The following CABLES1 variants were observed in gnomAD, a reference collection of about 807,000 sequenced individuals.
CABLES1 encodes the protein Cdk5 and Abl enzyme substrate 1.
In CABLES1, 36 loss-of-function variants were observed where a neutral mutation model predicts 57.8. The ratio of observed to expected loss-of-function variants is 0.62; its 90% CI spans 0.48 to 0.82. The LOEUF (loss-of-function observed/expected upper bound fraction) is 0.82, where lower values mean the gene tolerates loss of function less well. Among genes scored for constraint, CABLES1 ranks in the 40% least tolerant of loss-of-function variants. The pLI, the probability that CABLES1 is intolerant of heterozygous loss-of-function variation, is 0.00. For synonymous variants in CABLES1, 374 were observed against 363.0 expected (o/e 1.03, Z -0.35); for missense variants, 767 against 836.6 (o/e 0.92, Z 1.03).
intron 1 of CABLES1, among the ~76,000 whole-genome samples, chr18:23,152,759 A>G (rs930031785): frequency 2.6e-5 from 4 of 151,920 alleles, no homozygotes; most frequent in Non-Finnish European, 5.9e-5. Flanking sequence ...TGCTGGGATT[A>G]TAGGCTCGAG....
intron 1 of CABLES1, among the ~76,000 whole-genome samples, chr18:23,160,855 GA>G (rs1467317814): frequency 1.3e-5 from 2 of 152,188 alleles, no homozygotes; most frequent in African/African-American, 4.8e-5. Context: ...ACGACATAGT[GA>G]AAGCCCGTCT....
chr18:23,198,618 C>T lies in CABLES1; in HGVS notation c.1010+4078C>T, dbSNP rs558582614. 9.9e-5 allele frequency among the ~76,000 whole-genome samples: 15 copies of T among 152,224 alleles called. No homozygotes were observed. In the South Asian group the frequency reaches 2.5e-3, roughly 25 times the overall value. On this transcript the variant is annotated intron_variant, in intron 3 of 9. Coordinates refer to ENST00000256925, the MANE Select transcript of CABLES1 (RefSeq NM_001100619.3). ...AGTGTAGTTACAGAGCCCTTAAAAG[C>T]GGAAGAAGGAGGCAGGATCGTCAGT...
intron 4 of CABLES1, among the ~76,000 whole-genome samples, chr18:23,224,713 T>A (rs1001548683): frequency 7.4e-5 from 11 of 149,590 alleles, no homozygotes; most frequent in African/African-American, 2.5e-4. Context: ...GGATTACAGG[T>A]GCCCGCCACT....
At position 23,135,799 on chromosome 18, in the gene CABLES1, T is replaced by C. The variant is rs1327428442; in HGVS notation, c.37T>C (p.Cys13Arg). The C allele has an allele frequency of 3.0e-5, 28 of 927,586 alleles. No individual in the cohort carries two copies. The highest frequency in any genetic ancestry group is 6.5e-5 in the Admixed American group (1 of 15,498). 57.5% of individuals were successfully genotyped at this position (927,586 alleles called of 1,614,324 possible). A position where few individuals can be genotyped will look rare whatever the true frequency, so the allele number is the denominator to read the frequency against. The stretch of plus-strand genomic sequence containing the variant: ...GGCGGCGGCCGCCACCACGGCCGCC[T>C]GCAGCAGCGGCAGCGCCGGCACCGA... ...AAAAAATTAA[C>R]SSGSAGTDAA... The change falls in exon 1 of 10, where the codon TGC becomes CGC. Residue 13 changes from cysteine (C) to arginine (R), a missense_variant. Cys to Arg is a radical substitution (Grantham distance 180). This residue lies in a region of CABLES1 where 198 missense variants were observed against 149.7 expected (regional missense o/e 1.32). Transcript: ENST00000256925.
intron 1 of CABLES1, among the ~76,000 whole-genome samples, chr18:23,181,319 C>T (rs1598815281): frequency 8.0e-6 from 1 of 125,470 alleles, no homozygotes; most frequent in African/African-American, 3.7e-5. Flanking sequence ...CATGGTGAAA[C>T]CCCATCTCTA....
At chr18:23,215,143 T>A (rs1391215879) in intron 4 of CABLES1, among the ~76,000 whole-genome samples, 1 of 152,170 alleles carries the variant, frequency 6.6e-6, no homozygotes, top group East Asian at 1.9e-4. Context: ...ATTATTTACA[T>A]CCTTACAGCC....
In CABLES1 at chr18:23,257,245, C is replaced by T; in HGVS notation, c.1780C>T (p.Arg594Trp). ...HLIDKLEEKFRLNRRELIAFE... is the reference protein window; with the variant it reads ...HLIDKLEEKFWLNRRELIAFE... ...GTTGCAGAAACTGGAAGAGAAGTTC[C>T]GGCTGAACAGGCGAGAACTGATTGC... The change falls in exon 10 of 10, where the codon CGG becomes TGG. Residue 594 changes from arginine to tryptophan, a missense_variant. Around this residue, in one of 4 missense-constraint regions of CABLES1, gnomAD observed 15 missense variants for 41.0 expected, o/e 0.37. Coordinates refer to ENST00000256925, the MANE Select transcript of CABLES1 (RefSeq NM_001100619.3). 7 of 1,605,638 alleles carry T rather than the reference C, an allele frequency of 4.4e-6. No homozygotes were observed. The highest frequency in any genetic ancestry group is 5.1e-6 in the Non-Finnish European group (6 of 1,178,144).
intron 1 of CABLES1, among the ~76,000 whole-genome samples, chr18:23,172,337 C>A (rs1371754753): frequency 6.6e-6 from 1 of 152,182 alleles, no homozygotes; most frequent in East Asian, 1.9e-4. Context: ...GGATTCTAAT[C>A]TTTTCTTGGG....
At chr18:23,234,491 A>G (rs894031047) in intron 4 of CABLES1, 117 bp from the exon 5 acceptor site, 6 of 761,296 alleles carry the variant, frequency 7.9e-6, no homozygotes, top group African/African-American at 3.5e-5. Flanking sequence ...TCCCATCACC[A>G]GGGCTCACCT....
Position 23,253,054 on chromosome 18 carries a change from G to A in CABLES1, c.1541G>A (p.Ser514Asn). 6.2e-7 allele frequency: 1 copy of A among 1,607,990 alleles called. No individual in the cohort carries two copies. The highest frequency in any genetic ancestry group is 8.5e-7 in the Non-Finnish European group (1 of 1,174,514). The stretch of plus-strand genomic sequence containing the variant: ...TTTCCTCACATTAAGCTGACACTCA[G>A]CAAAATTAGGAGGTACGGGAGGCTG... ...EKFPHIKLTL[S>N]KIRSLKREMR... is the part of the protein sequence containing the mutation. Residue 514 changes from serine to asparagine, a missense_variant, in exon 8 of 10, where the codon AGC becomes AAC. Around this residue, in one of 4 missense-constraint regions of CABLES1, gnomAD observed 529 missense variants for 622.8 expected, o/e 0.85. Coordinates refer to ENST00000256925, the MANE Select transcript of CABLES1 (RefSeq NM_001100619.3).
chr18:23,247,530 G>A (rs191376867), intron 7 of CABLES1, among the ~76,000 whole-genome samples: 5 of 152,334 alleles, frequency 3.3e-5, no homozygotes, highest in East Asian at 3.9e-4. Context: ...GCAGCTGAGC[G>A]GGAGCAGGAC....
rs1555671608 is a variant in CABLES1 at position 23,248,538 on chromosome 18, T to TTTA, written c.1447-4422_1447-4421insTTA. Among the ~76,000 whole-genome samples the TTTA allele has an allele frequency of 1.6e-4, 15 of 93,612 alleles. 1 individual carries two copies. The highest frequency in any genetic ancestry group is 4.1e-4 in the African/African-American group (12 of 28,960). The allele number at this position is 93,612 out of a possible 152,430, so 61.4% of individuals were successfully genotyped here. On this transcript the variant is annotated intron_variant, in intron 7 of 9. Transcript: ENST00000256925. ...TTTTTTTTTTTTTTTTTTTTTTTTT[T>TTTA]AAAAAAAGGCTGGACGTGGTGGCTC...
chr18:23,198,439 C>T (rs886081427), intron 3 of CABLES1, among the ~76,000 whole-genome samples: 2 of 152,150 alleles, frequency 1.3e-5, no homozygotes, highest in Non-Finnish European at 2.9e-5. Context: ...TAGGGCATTA[C>T]TGTCTAGTGG....
chr18:23,246,455 G>GCC (rs1406970298), intron 7 of CABLES1, among the ~76,000 whole-genome samples: 1 of 151,800 alleles, frequency 6.6e-6, no homozygotes, highest in Non-Finnish European at 1.5e-5. Context: ...GCAGTGGCAA[G>GCC]ATCTTGGCTC....
Position 23,214,044 on chromosome 18 carries a change from A to G in CABLES1, c.1078A>G (p.Thr360Ala), listed in dbSNP as rs776983105. 186 of 1,611,976 alleles carry G rather than the reference A, an allele frequency of 1.2e-4. No individual in the cohort carries two copies. Among genetic ancestry groups the G allele is most frequent in the Non-Finnish European group, 1.6e-4 (183 of 1,178,392 alleles). Residue 360 changes from threonine (T) to alanine (A), a missense_variant, in exon 4 of 10, where the codon ACC becomes GCC. By Grantham distance (58) the Thr-to-Ala change is moderately conservative. Around this residue, in one of 4 missense-constraint regions of CABLES1, gnomAD observed 529 missense variants for 622.8 expected, o/e 0.85. Coordinates refer to ENST00000256925, the MANE Select transcript of CABLES1 (RefSeq NM_001100619.3). ...IFSVLPYRDS[T>A]QVGDLKLDGG... The stretch of plus-strand genomic sequence containing the variant: ...TTCAGTGCTGCCGTATCGCGACAGT[A>G]CCCAAGTCGGGTATGTATATGCATG...
intron 1 of CABLES1, among the ~76,000 whole-genome samples, chr18:23,157,527 C>T (rs2046973677): frequency 6.6e-6 from 1 of 152,272 alleles, no homozygotes; most frequent in South Asian, 2.1e-4. Context: ...AGGCATATGG[C>T]AGAAGGAAAG....
chr18:23,202,213 T>TG (rs1283093777), intron 3 of CABLES1, among the ~76,000 whole-genome samples: 3 of 152,170 alleles, frequency 2.0e-5, no homozygotes, highest in African/African-American at 7.2e-5. Context: ...AAGTCAGGGG[T>TG]GGGCATTGCG....
chr18:23,144,403 T>G (rs903227959), intron 1 of CABLES1, among the ~76,000 whole-genome samples: 2 of 152,240 alleles, frequency 1.3e-5, no homozygotes, highest in Admixed American at 6.5e-5. Flanking sequence ...TGCTCCTGAC[T>G]CTTAATTTGC....
Position 23,235,969 on chromosome 18 carries a change from C to T in CABLES1, c.1260C>T (p.Ser420=), listed in dbSNP as rs188485517. ...GARRNTIDST[S]SFSQFRNLSH... is the part of the protein sequence containing the mutation. ...GGAGAAATACCATAGACTCCACCTC[C>T]TCTTTCTCCCAGTTCCGTAACCTGA... is the stretch of plus-strand genomic sequence containing the variant. Residue 420 remains serine, a synonymous_variant, in exon 6 of 10, where the codon TCC becomes TCT. Transcript: ENST00000256925. The T allele has an allele frequency of 7.8e-5, 126 of 1,614,244 alleles. No individual in the cohort carries two copies. In the Admixed American group the frequency reaches 1.3e-3, roughly 17 times the overall value.
Sources: gnomAD v4.1 joint callset for allele counts (sites outside exome capture counted in the v4.1 genomes callset) on GRCh38, gnomAD v4.1.1 for gene constraint, gnomAD v4.1.1 regional missense constraint, MANE v1.5 for transcripts, NCBI Gene and HGNC (gene_info 2026-07-23, HGNC 2026-07-21) for gene names.